Variants in MTRF1 observed in about 807,000 individuals in gnomAD.
MTRF1 encodes the protein peptide chain release factor 1, mitochondrial.
Under a neutral mutation model 62.9 loss-of-function variants are expected in MTRF1, and 51 were observed. The ratio of observed to expected loss-of-function variants is 0.81; its 90% confidence interval spans 0.65 to 1.02. The LOEUF is 1.02. Among genes scored for constraint, MTRF1 ranks in the 50% least tolerant of loss-of-function variants. The pLI is 0.00. For synonymous variants in MTRF1, 158 were observed against 181.9 expected, an observed-to-expected ratio of 0.87 and a Z score of 1.06; for missense variants, 446 against 530.0, an observed-to-expected ratio of 0.84 and a Z score of 1.56.
At chr13:41,311,461 C>A in the MTRF1 span, 1 of 1,482,096 alleles carries the variant, frequency 6.7e-7, no homozygotes, top group Non-Finnish European at 9.2e-7. Context: ...CCGGTGCCCA[C>A]CCCCGCGAAG....
chr13:41,278,907 A>T, the MTRF1 span, among the ~76,000 whole-genome samples: 1 of 152,094 alleles, frequency 6.6e-6, no homozygotes, highest in African/African-American at 2.4e-5. Flanking sequence ...GGGAAGGGGG[A>T]GCTGAACATG....
At chr13:41,274,683 A>G in the MTRF1 span, among the ~76,000 whole-genome samples, 1 of 150,222 alleles carries the variant, frequency 6.7e-6, no homozygotes, top group Non-Finnish European at 1.5e-5. Flanking sequence ...TATAATAATA[A>G]TAATAATAAT....
chr13:41,239,448 A>G (rs2138941399), intron 6 of MTRF1, among the ~76,000 whole-genome samples: 1 of 152,314 alleles, frequency 6.6e-6, no homozygotes, highest in Non-Finnish European at 1.5e-5. Context: ...TCATTTAAAT[A>G]AATGTATACA....
chr13:41,307,685 C>A, the MTRF1 span, among the ~76,000 whole-genome samples: 7 of 152,040 alleles, frequency 4.6e-5, no homozygotes, highest in Non-Finnish European at 1.0e-4. Context: ...GTAGGATGTG[C>A]CTGCTTCCCG....
Position 41,255,312 on chromosome 13 carries a change from A to T in MTRF1, c.416-692T>A, listed in dbSNP as rs980033508. On this transcript the variant is annotated intron_variant, in intron 2 of 9. Coordinates refer to ENST00000379480, the MANE Select transcript of MTRF1 (RefSeq NM_004294.4). ...GTACACTACAGCCTCAAACTCCTGG[A>T]CTCAAGCGATCTTCCTGCTTCAGCC... Among the ~76,000 whole-genome samples the T allele has an allele frequency of 2.0e-5, 3 of 152,090 alleles. No individual in the cohort carries two copies. The South Asian group carries it at 6.2e-4, about 32-fold the overall frequency.
rs538169649 is a variant in MTRF1, at chr13:41,224,562, C to A, written c.1126-1208G>T. On this transcript the variant is annotated intron_variant, in intron 8 of 9. Coordinates refer to ENST00000379480, the MANE Select transcript of MTRF1 (RefSeq NM_004294.4). ...GAACATCCCAGATCATCTCTTCTGA[C>A]AATCAGCCAAGTTTGGAAACCACTG... Among the ~76,000 whole-genome samples, 138 of 152,258 alleles carry A rather than the reference C, an allele frequency of 9.1e-4. 1 individual carries two copies. The highest frequency in any genetic ancestry group is 3.0e-3 in the African/African-American group (126 of 41,546).
chr13:41,277,351 C>T, the MTRF1 span, among the ~76,000 whole-genome samples: 1 of 151,974 alleles, frequency 6.6e-6, no homozygotes, highest in African/African-American at 2.4e-5. Context: ...AGACTGGTCT[C>T]GAACTCCTGA....
intron 5 of MTRF1, among the ~76,000 whole-genome samples, chr13:41,242,788 G>C (rs539447433): frequency 1.3e-5 from 2 of 151,878 alleles, no homozygotes; most frequent in African/African-American, 2.4e-5. Flanking sequence ...TGCTTACTGC[G>C]CATTAAAAAA....
At chr13:41,258,500 T>C (rs2040001856) in intron 2 of MTRF1, among the ~76,000 whole-genome samples, 1 of 150,998 alleles carries the variant, frequency 6.6e-6, no homozygotes, top group African/African-American at 2.4e-5. Flanking sequence ...TAGTCCCAGC[T>C]ACTCAGAAGG....
At chr13:41,242,237 T>G (rs907750870) in intron 5 of MTRF1, among the ~76,000 whole-genome samples, 1 of 152,214 alleles carries the variant, frequency 6.6e-6, no homozygotes, top group African/African-American at 2.4e-5. Context: ...TCTAGCACGT[T>G]TAAATCAAGC....
the MTRF1 span, among the ~76,000 whole-genome samples, chr13:41,282,137 CAAAA>C: frequency 1.3e-5 from 1 of 79,418 alleles, no homozygotes; most frequent in Admixed American, 1.5e-4. Context: ...GACTCCGTCT[CAAAA>C]AAAAAAAAAA....
intron 7 of MTRF1, chr13:41,229,472 CCTCT>C (rs2035106750): frequency 6.6e-6 from 1 of 152,188 alleles, no homozygotes; most frequent in Non-Finnish European, 1.5e-5. Context: ...CTTTACCCAA[CCTCT>C]CTCTATCCTC....
At chr13:41,262,801 G>C (rs1001566650) in intron 1 of MTRF1, among the ~76,000 whole-genome samples, 12 of 152,114 alleles carry the variant, frequency 7.9e-5, no homozygotes, top group African/African-American at 2.9e-4. Context: ...CTCAAAAAAA[G>C]AAGGATCAAC....
At chr13:41,307,855 A>G in the MTRF1 span, among the ~76,000 whole-genome samples, 1 of 152,184 alleles carries the variant, frequency 6.6e-6, no homozygotes, top group Non-Finnish European at 1.5e-5. Flanking sequence ...TACAAAAGGT[A>G]TGTGTGTATG....
the MTRF1 span, among the ~76,000 whole-genome samples, chr13:41,284,095 T>C: frequency 7.2e-6 from 1 of 139,490 alleles, no homozygotes; most frequent in African/African-American, 2.5e-5. Context: ...CTATCAACAC[T>C]TTCCTATCTG....
the MTRF1 span, among the ~76,000 whole-genome samples, chr13:41,310,683 C>A: frequency 6.6e-6 from 1 of 152,090 alleles, no homozygotes; most frequent in Admixed American, 6.5e-5. Context: ...AACCAACCAA[C>A]CAAACAAAAA....
the MTRF1 span, among the ~76,000 whole-genome samples, chr13:41,283,866 C>T: frequency 2.0e-5 from 3 of 151,898 alleles, no homozygotes; most frequent in African/African-American, 7.2e-5. Context: ...CGTGAGCCAC[C>T]GCGCCCGGCC....
intron 2 of MTRF1, 123 bp from the exon 3 acceptor site, chr13:41,254,743 A>T (rs920289099): frequency 6.7e-6 from 4 of 598,074 alleles, no homozygotes; most frequent in Non-Finnish European, 8.5e-6. Flanking sequence ...GGATTATACA[A>T]AGGAACATTT....
intron 2 of MTRF1, chr13:41,257,851 G>T: frequency 2.5e-6 from 1 of 398,212 alleles, no homozygotes; most frequent in Non-Finnish European, 5.2e-6. Flanking sequence ...ACCTCATAAG[G>T]TTACCTGAGC....
Sources: gnomAD v4.1 joint callset for allele counts (sites outside exome capture counted in the v4.1 genomes callset) on GRCh38, gnomAD v4.1.1 for gene constraint, MANE v1.5 for transcripts, NCBI Gene and HGNC (gene_info 2026-07-23, HGNC 2026-07-21) for gene names.